The following MEIS3 variants were observed in gnomAD, a reference collection of about 807,000 sequenced individuals.
MEIS3 encodes the protein homeobox protein Meis3.
A neutral mutation model predicts 51.4 loss-of-function variants in MEIS3; 38 were observed. The ratio of observed to expected loss-of-function variants is 0.74; its 90% CI spans 0.57 to 0.97. The LOEUF is 0.97. MEIS3 is among the 50% of genes least tolerant of loss of function. The pLI is 0.00. For synonymous variants in MEIS3, 198 were observed against 201.8 expected (o/e 0.98, Z 0.16); for missense variants, 456 against 502.6 (o/e 0.91, Z 0.89).
At chr19:47,419,693 C>G (rs1971635613), upstream of MEIS3, among the ~76,000 whole-genome samples, 1 of 150,560 alleles carries the variant, frequency 6.6e-6, no homozygotes, top group Non-Finnish European at 1.5e-5. Context: ...GAAGAGACCG[C>G]GGCCCTGGTG....
At position 47,407,097 on chromosome 19, in the gene MEIS3, C is replaced by T. The variant is rs1312686736; in HGVS notation, c.976G>A (p.Asp326Asn). Residue 326 changes from aspartate (D) to asparagine (N), a missense_variant, in exon 10 of 13, where the codon GAT (aspartate) becomes AAT (asparagine). Physicochemically the swap from Asp to Asn is conservative, Grantham distance 23. Transcript: ENST00000558555. ...CCTGTACCTGTGCGGTTGGATTGAT[C>T]GATCATAGGTTGCACGATGCGTCTC... Reference protein sequence around the residue: ...ARRRIVQPMIDQSNRTGQGAA... With the variant: ...ARRRIVQPMINQSNRTGQGAA... 14 of 1,611,542 alleles carry T rather than the reference C, an allele frequency of 8.7e-6. No individual in the cohort carries two copies. Among genetic ancestry groups the T allele is most frequent in the Non-Finnish European group, 1.2e-5 (14 of 1,179,182 alleles).
chr19:47,419,925 A>G (rs1017169158), upstream of MEIS3, among the ~76,000 whole-genome samples: 6 of 152,050 alleles, frequency 3.9e-5, no homozygotes, highest in Admixed American at 6.5e-5. Flanking sequence ...GTCCCACCGT[A>G]GGCTCTCCCC....
At chr19:47,407,015 C>G (rs766804755) in intron 10 of MEIS3, 44 bp from the exon 11 acceptor site, 15 of 1,578,056 alleles carry the variant, frequency 9.5e-6, no homozygotes, top group Admixed American at 7.6e-5. Context: ...CCAGGAAGCC[C>G]GGGACCCGGC....
At chr19:47,421,288 G>A (rs1343352552), upstream of MEIS3, among the ~76,000 whole-genome samples, 1 of 152,064 alleles carries the variant, frequency 6.6e-6, no homozygotes. Context: ...AGATCTGGGG[G>A]ACCTCATGGG....
At chr19:47,416,403 G>A (rs1399372124) in intron 4 of MEIS3, 11 of 467,388 alleles carry the variant, frequency 2.4e-5, no homozygotes, top group South Asian at 1.2e-4. Context: ...ACCAAGGCAC[G>A]GAGATGCAGA....
intron 6 of MEIS3, among the ~76,000 whole-genome samples, chr19:47,413,079 G>A (rs969489727): frequency 6.6e-6 from 1 of 151,776 alleles, no homozygotes; most frequent in East Asian, 2.0e-4. Context: ...CTGTTGTTGC[G>A]ATTCCTGTGC....
rs146067115 is a variant in MEIS3 at position 47,409,474 on chromosome 19, C to A, written c.671G>T (p.Gly224Val). The change falls in exon 7 of 13, where the codon GGC becomes GTC. Residue 224 changes from glycine (G) to valine (V), a missense_variant. Transcript: ENST00000558555. ...HLGTPGPSSG[G>V]LASQSGDNSS... is the part of the protein sequence containing the mutation. ...GTTGTCCCCACTCTGGGAGGCCAGG[C>A]CCCCACTGGATGGACCTGGGGTCCC... 3.8e-5 allele frequency: 61 copies of A among 1,613,844 alleles called. No homozygotes were observed. In the African/African-American group the frequency reaches 6.7e-4, roughly 18 times the overall value.
rs946395632 is a variant in MEIS3 at position 47,419,185 on chromosome 19, G to C, written c.-104C>G. 10 of 857,740 alleles carry C rather than the reference G, an allele frequency of 1.2e-5. No individual in the cohort carries two copies. In the African/African-American group the frequency reaches 1.8e-4, roughly 15 times the overall value. 53.1% of individuals were successfully genotyped at this position (857,740 alleles called of 1,614,324 possible). A position where few individuals can be genotyped will look rare whatever the true frequency, so the allele number is the denominator to read the frequency against. Reference sequence around the variant, plus strand: ...TGACGGCCCGCGGTGTTGACGCCAGGGGGTGGGCAGGAGGCCAGGCGCGCG... The same window carrying C: ...TGACGGCCCGCGGTGTTGACGCCAGCGGGTGGGCAGGAGGCCAGGCGCGCG... On this transcript the variant is annotated 5_prime_UTR_variant, in exon 1 of 13. Transcript: ENST00000558555.
At chr19:47,417,810 TCAA>T (rs1359296573) in intron 1 of MEIS3, 25 of 620,414 alleles carry the variant, frequency 4.0e-5, no homozygotes, top group Non-Finnish European at 6.4e-5. Context: ...AGAGTAAGTC[TCAA>T]CAACATGTCA....
intron 10 of MEIS3, 35 bp downstream of exon 10, chr19:47,407,044 A>T (rs969465184): frequency 8.1e-6 from 13 of 1,596,966 alleles, no homozygotes; most frequent in Non-Finnish European, 1.1e-5. Context: ...CCTCCTAAGA[A>T]CCCCAGGCTC....
chr19:47,411,767 C>G (rs1971145916), intron 6 of MEIS3, among the ~76,000 whole-genome samples: 1 of 151,320 alleles, frequency 6.6e-6, no homozygotes, highest in Non-Finnish European at 1.5e-5. Flanking sequence ...GTCTCAAACT[C>G]CTGACCTTGT....
Position 47,409,124 on chromosome 19 carries a change from C to T in MEIS3, c.833G>A (p.Arg278Gln), listed in dbSNP as rs753008990. 1.8e-5 allele frequency: 29 copies of T among 1,611,288 alleles called. No homozygotes were observed. The highest frequency in any genetic ancestry group is 5.3e-5 in the African/African-American group (4 of 74,814). The stretch of plus-strand genomic sequence containing the variant: ...CGAGAGGTGCTGGAACAACCAGGCT[C>T]GCATGATGTTGGTGGCCACCTTGGG... ...IFPKVATNIM[R>Q]AWLFQHLSHP... Residue 278 changes from arginine (R) to glutamine (Q), a missense_variant, in exon 8 of 13, where the codon CGA becomes CAA. Physicochemically the swap from Arg to Gln is conservative, Grantham distance 43 (BLOSUM62 1). Coordinates refer to ENST00000558555, the MANE Select transcript of MEIS3 (RefSeq NM_001301059.2).
chr19:47,404,082 T>C (rs1970710517), intron 12 of MEIS3, among the ~76,000 whole-genome samples: 2 of 152,070 alleles, frequency 1.3e-5, no homozygotes, highest in African/African-American at 2.4e-5. Context: ...CGCACGCCTG[T>C]AGTCTCAGCC....
At chr19:47,407,028 T>A (rs1333559529) in intron 10 of MEIS3, 51 bp downstream of exon 10, 9 of 1,586,524 alleles carry the variant, frequency 5.7e-6, no homozygotes, top group Middle Eastern at 1.7e-4. Flanking sequence ...GACCCGGCTT[T>A]GACGCCCTCC....
At chr19:47,422,206 C>A (rs1044150973), upstream of MEIS3, among the ~76,000 whole-genome samples, 1 of 152,030 alleles carries the variant, frequency 6.6e-6, no homozygotes. Flanking sequence ...CACGGCTCAG[C>A]GGTGGCGGGA....
intron 11 of MEIS3, 51 bp downstream of exon 11, chr19:47,406,837 G>C (rs1389743777): frequency 6.8e-7 from 1 of 1,472,546 alleles, no homozygotes; most frequent in South Asian, 1.2e-5. Context: ...TTGTTTTACA[G>C]GTGGGTCATG....
chr19:47,417,067 G>A (rs1342350318), intron 2 of MEIS3, 104 bp from the exon 3 acceptor site: 2 of 1,533,242 alleles, frequency 1.3e-6, no homozygotes, highest in African/African-American at 1.4e-5. Flanking sequence ...GACCCAGAGA[G>A]GGAAGGAGAC....
At chr19:47,411,542 CT>C (rs1249273264) in intron 6 of MEIS3, among the ~76,000 whole-genome samples, 123 of 95,992 alleles carry the variant, frequency 1.3e-3, no homozygotes, top group African/African-American at 1.3e-3. Flanking sequence ...TTTTTCTTTT[CT>C]TTTTTTTTTT....
chr19:47,419,953 C>T (rs975590725), upstream of MEIS3, among the ~76,000 whole-genome samples: 3 of 152,130 alleles, frequency 2.0e-5, no homozygotes, highest in Non-Finnish European at 4.4e-5. Flanking sequence ...GGCTCGATTC[C>T]CCCTCTGCAG....
Sources: gnomAD v4.1 joint callset for allele counts (sites outside exome capture counted in the v4.1 genomes callset) on GRCh38, gnomAD v4.1.1 for gene constraint, MANE v1.5 for transcripts, NCBI Gene and HGNC (gene_info 2026-07-23, HGNC 2026-07-21) for gene names.